GRIA3: variants seen among roughly 807,000 people sequenced by gnomAD.
The protein encoded by GRIA3 is glutamate receptor 3.
GRIA3 carries 3 observed loss-of-function variants against 63.0 expected under a neutral mutation model. The ratio of observed to expected loss-of-function variants is 0.05; its 90% CI spans 0.02 to 0.12. The LOEUF is 0.12. GRIA3 is among the 10% of genes least tolerant of loss of function. The pLI, the probability that GRIA3 is intolerant of heterozygous loss-of-function variation, is 1.00. For synonymous variants in GRIA3, 274 were observed against 257.9 expected, an observed-to-expected ratio of 1.06 and a Z score of -0.60; for missense variants, 347 against 700.9, an observed-to-expected ratio of 0.50 and a Z score of 5.70.
chrX:123,352,085 A>AT (rs58791604), intron 4 of GRIA3, among the ~76,000 whole-genome samples: 17,030 of 102,037 alleles, frequency 0.17, 1,259 homozygotes, highest in African/African-American at 0.28. Flanking sequence ...CATTTCAAAC[A>AT]TTTTTTTTTT....
intron 9 of GRIA3, 85 bp downstream of exon 9, chrX:123,403,604 C>T (rs768130743): frequency 2.3e-5 from 15 of 642,267 alleles, no homozygotes; most frequent in Non-Finnish European, 3.9e-5. Flanking sequence ...GTAGAAAAGA[C>T]CTCAAGTTCA....
At chrX:123,185,508 A>AGGGGGGGGGGGGGGGGGGG (rs3216834) in intron 1 of GRIA3, among the ~76,000 whole-genome samples, 1 of 40,962 alleles carries the variant, frequency 2.4e-5, no homozygotes, top group African/African-American at 7.2e-5. Context: ...CGGGGGGCGG[A>AGGGGGGGGGGGGGGGGGGG]GGGGGGGGGC....
At chrX:123,338,924 T>C (rs1211028049) in intron 4 of GRIA3, among the ~76,000 whole-genome samples, 1 of 112,389 alleles carries the variant, frequency 8.9e-6, no homozygotes, top group Non-Finnish European at 1.9e-5. Flanking sequence ...TATGAGCCAA[T>C]AGTAAATGGT....
chrX:123,263,552 G>A (rs911532593), intron 3 of GRIA3, among the ~76,000 whole-genome samples: 19 of 111,922 alleles, frequency 1.7e-4, no homozygotes, highest in African/African-American at 5.2e-4. Flanking sequence ...CTTTTAGAGG[G>A]TGCTTCAACT....
intron 2 of GRIA3, among the ~76,000 whole-genome samples, chrX:123,225,880 C>T (rs2044243953): frequency 9.0e-6 from 1 of 111,170 alleles, no homozygotes; most frequent in Non-Finnish European, 1.9e-5. Context: ...GACTCTTGGT[C>T]CCTTTCACCT....
chrX:123,443,161 G>A (rs2045685550), intron 12 of GRIA3, among the ~76,000 whole-genome samples: 1 of 111,939 alleles, frequency 8.9e-6, no homozygotes, highest in African/African-American at 3.2e-5. Context: ...TCTCTATAGG[G>A]AAGCTCAAGT....
chrX:123,227,254 TC>T (rs1454951156), intron 2 of GRIA3, among the ~76,000 whole-genome samples: 1 of 112,274 alleles, frequency 8.9e-6, no homozygotes, highest in East Asian at 2.8e-4. Flanking sequence ...TACCTTTTTT[TC>T]TATCTGCTGT....
At chrX:123,235,714 T>G (rs1340871686) in intron 2 of GRIA3, among the ~76,000 whole-genome samples, 3 of 111,363 alleles carry the variant, frequency 2.7e-5, no homozygotes, top group African/African-American at 9.8e-5. Context: ...TATATTCACA[T>G]GCTTTACTCA....
chrX:123,401,728 T>C (rs1322468828), intron 7 of GRIA3, among the ~76,000 whole-genome samples: 1 of 111,921 alleles, frequency 8.9e-6, no homozygotes. Flanking sequence ...TTTGACAACA[T>C]TTTTCTTTCT....
At chrX:123,230,134 G>A (rs959412571) in intron 2 of GRIA3, among the ~76,000 whole-genome samples, 5 of 112,027 alleles carry the variant, frequency 4.5e-5, no homozygotes, top group Non-Finnish European at 9.4e-5. Flanking sequence ...TTGTCACTGT[G>A]GAGTAGTTCC....
intron 5 of GRIA3, among the ~76,000 whole-genome samples, 189 bp from the exon 6 acceptor site, chrX:123,394,779 T>G (rs1173503574): frequency 8.9e-6 from 1 of 112,278 alleles, no homozygotes; most frequent in African/African-American, 3.2e-5. Context: ...AGAATGCATA[T>G]TTTCTCCATT....
chrX:123,471,990 C>CATATATATATATAATATATATATATATAT (rs2045865052), intron 13 of GRIA3, among the ~76,000 whole-genome samples: 1 of 13,415 alleles, frequency 7.5e-5, no homozygotes, highest in African/African-American at 2.0e-4. Flanking sequence ...CAATGGCATT[C>CATATATATATATAATATATATATATATAT]ATATATATAT....
At chrX:123,325,355 C>G (rs1449707791) in intron 3 of GRIA3, among the ~76,000 whole-genome samples, 1 of 111,471 alleles carries the variant, frequency 9.0e-6, no homozygotes, top group Non-Finnish European at 1.9e-5. Context: ...GTAATGGTAG[C>G]TAACAGTTAT....
At chrX:123,271,997 A>T (rs1246891050) in intron 3 of GRIA3, among the ~76,000 whole-genome samples, 2 of 111,669 alleles carry the variant, frequency 1.8e-5, no homozygotes, top group Non-Finnish European at 3.8e-5. Context: ...GAGGGGGAGA[A>T]GTTTAGAATA....
At chrX:123,471,761 G>T (rs1036023330) in intron 13 of GRIA3, among the ~76,000 whole-genome samples, 12 of 107,053 alleles carry the variant, frequency 1.1e-4, no homozygotes, top group Non-Finnish European at 5.8e-5. Flanking sequence ...GTGGGAGTTG[G>T]GGTTGGTGGA....
At chrX:123,323,723 G>T (rs1281907723) in intron 3 of GRIA3, among the ~76,000 whole-genome samples, 1 of 111,687 alleles carries the variant, frequency 9.0e-6, no homozygotes, top group African/African-American at 3.3e-5. Context: ...ACTGGAATGG[G>T]GTGAGGGATT....
intron 3 of GRIA3, among the ~76,000 whole-genome samples, chrX:123,286,283 A>G (rs1277286829): frequency 1.8e-5 from 2 of 112,180 alleles, no homozygotes; most frequent in African/African-American, 6.5e-5. Context: ...TTAGAGGGAA[A>G]TTTACAGCAC....
chrX:123,478,555 A>C (rs1421419471), intron 13 of GRIA3, among the ~76,000 whole-genome samples: 2 of 112,344 alleles, frequency 1.8e-5, no homozygotes, highest in Non-Finnish European at 3.8e-5. Context: ...AAATGATTAT[A>C]TCTTTCTCAG....
In GRIA3 at chrX:123,488,336, C is replaced by T. The variant is rs192243911; in HGVS notation, c.*3-377C>T. Among the ~76,000 whole-genome samples the T allele has an allele frequency of 3.5e-3, 397 of 112,467 alleles. 1 individual carries two copies. Among genetic ancestry groups the T allele is most frequent in the African/African-American group, 0.013 (389 of 30,945 alleles). Reference sequence around the variant, plus strand: ...TAAAATGGATTTCAATTCAGTAAGCCATAGAACACTGTTTACCCTCTGTCC... The same window carrying T: ...TAAAATGGATTTCAATTCAGTAAGCTATAGAACACTGTTTACCCTCTGTCC... On this transcript the variant is annotated intron_variant, in intron 15 of 15. Transcript: ENST00000620443.
Sources: gnomAD v4.1 joint callset for allele counts (sites outside exome capture counted in the v4.1 genomes callset) on GRCh38, gnomAD v4.1.1 for gene constraint, MANE v1.5 for transcripts, NCBI Gene and HGNC (gene_info 2026-07-23, HGNC 2026-07-21) for gene names.